Variants in KLHL4 observed in about 807,000 individuals in gnomAD.
KLHL4 encodes kelch like family member 4, also known as kelch-like protein 4.
KLHL4 carries 17 observed loss-of-function variants against 45.8 expected under a neutral mutation model. That is an observed-to-expected ratio of 0.37 (90% CI 0.25 to 0.56). The LOEUF is 0.56. Ranked by LOEUF, KLHL4 falls within the 20% of genes least tolerant of loss-of-function variation. The probability of loss-of-function intolerance (pLI) is 0.79; values close to 1 mark genes in which losing one functional copy is unlikely to be tolerated. For synonymous variants in KLHL4, 224 were observed against 189.9 expected (o/e 1.18, Z -1.47); for missense variants, 544 against 544.9 (o/e 1.00, Z 0.02).
Position 87,669,716 on chromosome X carries a change from C to T in KLHL4, c.*3182C>T, listed in dbSNP as rs188617887. On this transcript the variant is annotated 3_prime_UTR_variant, in exon 11 of 11. Coordinates refer to ENST00000373119, the MANE Select transcript of KLHL4 (RefSeq NM_019117.5). ...AGATTTTTCAGTTGCTATTTCTCTT[C>T]GTAATGAATTTTCTTTACATCCTGT... is the stretch of plus-strand genomic sequence containing the variant. The T allele has an allele frequency of 1.9e-4, 31 of 165,335 alleles. No homozygotes were observed. Among genetic ancestry groups the T allele is most frequent in the African/African-American group, 7.4e-4 (24 of 32,245 alleles). 13.6% of individuals were successfully genotyped at this position (165,335 alleles called of 1,213,427 possible).
chrX:87,612,639 C>T (rs142782364), intron 1 of KLHL4, among the ~76,000 whole-genome samples: 268 of 111,774 alleles, frequency 2.4e-3, no homozygotes, highest in Non-Finnish European at 4.6e-3. Flanking sequence ...GCATATTTTA[C>T]GCTATAATCA....
chrX:87,631,285 C>T lies in KLHL4; in HGVS notation c.1325-925C>T, dbSNP rs763279055. 6.9e-4 allele frequency among the ~76,000 whole-genome samples: 77 copies of T among 111,725 alleles called. No individual in the cohort carries two copies. In the South Asian group the frequency reaches 0.011, roughly 15 times the overall value. ...TAGCCCTTTCCTATCGGTGCAGCTG[C>T]CATCATTCCCCTGTGCAAGCTTCCA... On this transcript the variant is annotated intron_variant, in intron 6 of 10. Coordinates refer to ENST00000373119, the MANE Select transcript of KLHL4 (RefSeq NM_019117.5).
At chrX:87,582,740 T>A (rs1921323186) in intron 1 of KLHL4, among the ~76,000 whole-genome samples, 1 of 111,899 alleles carries the variant, frequency 8.9e-6, no homozygotes, top group African/African-American at 3.2e-5. Flanking sequence ...GTGGTCTCAC[T>A]GACTTCAAGA....
chrX:87,521,944 G>T (rs777886965), intron 1 of KLHL4, among the ~76,000 whole-genome samples: 3 of 112,611 alleles, frequency 2.7e-5, no homozygotes, highest in Non-Finnish European at 5.6e-5. Flanking sequence ...TGGCTATTCA[G>T]CCAGCGTGGC....
At chrX:87,649,439 A>T (rs1923738395) in intron 9 of KLHL4, among the ~76,000 whole-genome samples, 2 of 111,360 alleles carry the variant, frequency 1.8e-5, no homozygotes, top group Admixed American at 1.9e-4. Flanking sequence ...CATATGTATG[A>T]TTTGCAAATA....
intron 9 of KLHL4, among the ~76,000 whole-genome samples, chrX:87,636,990 G>A (rs996977683): frequency 2.7e-5 from 3 of 111,642 alleles, no homozygotes; most frequent in East Asian, 2.8e-4. Flanking sequence ...CTATACAAAC[G>A]GAACTGATGG....
chrX:87,628,652 C>T (rs1414287768), intron 6 of KLHL4, among the ~76,000 whole-genome samples: 1 of 111,549 alleles, frequency 9.0e-6, no homozygotes, highest in African/African-American at 3.3e-5. Context: ...TCTCAGAAAT[C>T]ACCACCAAAG....
At chrX:87,638,614 TAG>T (rs765230831) in intron 9 of KLHL4, among the ~76,000 whole-genome samples, 10 of 111,670 alleles carry the variant, frequency 9.0e-5, no homozygotes, top group Non-Finnish European at 1.7e-4. Context: ...GAAGGAAAGA[TAG>T]AGTCTTTTTT....
At chrX:87,573,148 A>G (rs1300191369) in intron 1 of KLHL4, among the ~76,000 whole-genome samples, 3 of 111,648 alleles carry the variant, frequency 2.7e-5, no homozygotes, top group Non-Finnish European at 5.7e-5. Flanking sequence ...CATGTGCCCT[A>G]GACCAGTGGG....
At chrX:87,651,422 C>A (rs1003416441) in intron 9 of KLHL4, among the ~76,000 whole-genome samples, 15 of 112,329 alleles carry the variant, frequency 1.3e-4, no homozygotes, top group Non-Finnish European at 3.8e-5. Context: ...AAAGTCTCAT[C>A]CAAGACAAGG....
intron 3 of KLHL4, among the ~76,000 whole-genome samples, chrX:87,615,923 T>C (rs1004463419): frequency 1.8e-5 from 2 of 111,161 alleles, no homozygotes; most frequent in African/African-American, 6.5e-5. Context: ...TTTTTGAATA[T>C]ACTAAAAAAC....
chrX:87,637,729 A>T (rs1387665035), intron 9 of KLHL4, among the ~76,000 whole-genome samples: 1 of 111,861 alleles, frequency 8.9e-6, no homozygotes, highest in Non-Finnish European at 1.9e-5. Context: ...TTGGAGGATC[A>T]TCTGAGATCA....
chrX:87,551,608 T>TAGATAGATAGATTGATAGATAGAA (rs761675267), intron 1 of KLHL4, among the ~76,000 whole-genome samples: 1 of 107,112 alleles, frequency 9.3e-6, no homozygotes, highest in African/African-American at 3.4e-5. Flanking sequence ...GATAGATAGA[T>TAGATAGATAGATTGATAGATAGAA]AGAAATAGAA....
Sources: gnomAD v4.1 joint callset for allele counts (sites outside exome capture counted in the v4.1 genomes callset) on GRCh38, gnomAD v4.1.1 for gene constraint, MANE v1.5 for transcripts, NCBI Gene and HGNC (gene_info 2026-07-23, HGNC 2026-07-21) for gene names.